RIMS2: variants seen among roughly 807,000 people sequenced by gnomAD.
The protein encoded by RIMS2 is regulating synaptic membrane exocytosis 2.
In RIMS2, 59 loss-of-function variants were observed where a neutral mutation model predicts 174.4. That is an observed-to-expected ratio of 0.34 (90% CI 0.27 to 0.42). RIMS2 has a LOEUF of 0.42. Ranked by LOEUF, RIMS2 falls within the 10% of genes least tolerant of loss-of-function variation. The pLI is 1.00. For synonymous variants in RIMS2, 606 were observed against 572.5 expected, an observed-to-expected ratio of 1.06 and a Z score of -0.84; for missense variants, 1,620 against 1,666.3, an observed-to-expected ratio of 0.97 and a Z score of 0.48.
At chr8:104,188,269 A>G (rs1586864753) in intron 19 of RIMS2, among the ~76,000 whole-genome samples, 1 of 121,972 alleles carries the variant, frequency 8.2e-6, no homozygotes. Context: ...ATAGATAGAT[A>G]GATGGATGAA....
At chr8:103,928,920 A>G (rs1370940683) in intron 11 of RIMS2, among the ~76,000 whole-genome samples, 1 of 151,634 alleles carries the variant, frequency 6.6e-6, no homozygotes, top group Non-Finnish European at 1.5e-5. Context: ...AAAAGCACAG[A>G]TAAGAAATTA....
At chr8:103,742,687 T>C (rs1205744640) in intron 2 of RIMS2, among the ~76,000 whole-genome samples, 2 of 152,154 alleles carry the variant, frequency 1.3e-5, no homozygotes, top group Non-Finnish European at 2.9e-5. Flanking sequence ...TTTCTTATAA[T>C]GTGAATAGTT....
At chr8:103,592,959 A>G (rs1449125513) in intron 1 of RIMS2, among the ~76,000 whole-genome samples, 1 of 151,424 alleles carries the variant, frequency 6.6e-6, no homozygotes, top group East Asian at 1.9e-4. Flanking sequence ...TTGTACAGTT[A>G]TTTGAATTTT....
intron 1 of RIMS2, among the ~76,000 whole-genome samples, chr8:103,688,834 T>A (rs909883815): frequency 6.3e-5 from 8 of 127,448 alleles, no homozygotes; most frequent in Non-Finnish European, 1.3e-4. Flanking sequence ...TTCTATTTTT[T>A]AAATTTCTGA....
At chr8:104,090,339 A>G (rs760579958) in intron 19 of RIMS2, among the ~76,000 whole-genome samples, 3 of 151,780 alleles carry the variant, frequency 2.0e-5, no homozygotes, top group African/African-American at 4.8e-5. Context: ...TCTTTTAAAA[A>G]CTAAACAAAT....
intron 19 of RIMS2, among the ~76,000 whole-genome samples, chr8:104,190,040 A>T (rs1351898988): frequency 1.3e-5 from 2 of 152,060 alleles, no homozygotes; most frequent in Admixed American, 1.3e-4. Flanking sequence ...ATGGTGGCTC[A>T]TGTCTGTAAT....
At chr8:103,623,478 GTTTTTTTTTTTTT>G (rs71575976) in intron 1 of RIMS2, among the ~76,000 whole-genome samples, 2 of 83,238 alleles carry the variant, frequency 2.4e-5, no homozygotes, top group African/African-American at 9.6e-5. Flanking sequence ...GGTTTCTTCA[GTTTTTTTTTTTTT>G]TTTTTTTTTT....
chr8:103,526,995 T>A (rs546716872), intron 1 of RIMS2, among the ~76,000 whole-genome samples: 10 of 152,076 alleles, frequency 6.6e-5, no homozygotes, highest in African/African-American at 2.4e-4. Flanking sequence ...ACAACAAAAA[T>A]CCTAAATGTA....
chr8:104,025,941 T>C (rs1303295836), intron 19 of RIMS2, among the ~76,000 whole-genome samples: 1 of 152,178 alleles, frequency 6.6e-6, no homozygotes, highest in East Asian at 1.9e-4. Context: ...ATAAGCTATA[T>C]CAAATAGCCT....
At chr8:103,738,113 A>G (rs574687250) in intron 2 of RIMS2, among the ~76,000 whole-genome samples, 14 of 152,290 alleles carry the variant, frequency 9.2e-5, no homozygotes, top group Admixed American at 9.2e-4. Context: ...TAATATGTAA[A>G]TAATTCAGTG....
chr8:103,802,887 A>G (rs887322875), intron 3 of RIMS2, among the ~76,000 whole-genome samples: 14 of 152,202 alleles, frequency 9.2e-5, no homozygotes, highest in African/African-American at 3.4e-4. Flanking sequence ...TTTAATAAAG[A>G]TGAAGATACA....
At chr8:103,736,853 A>G (rs2097691325) in intron 2 of RIMS2, among the ~76,000 whole-genome samples, 1 of 152,144 alleles carries the variant, frequency 6.6e-6, no homozygotes, top group Non-Finnish European at 1.5e-5. Flanking sequence ...TTTAGGTAGA[A>G]CAGAATCTTA....
intron 19 of RIMS2, among the ~76,000 whole-genome samples, chr8:104,171,301 T>C (rs1486200562): frequency 7.9e-6 from 1 of 126,030 alleles, no homozygotes; most frequent in African/African-American, 3.1e-5. Context: ...CTGTTTTACA[T>C]AATCCCATTT....
intron 2 of RIMS2, among the ~76,000 whole-genome samples, chr8:103,754,446 C>A (rs1030725264): frequency 5.3e-5 from 8 of 152,026 alleles, no homozygotes; most frequent in African/African-American, 1.9e-4. Flanking sequence ...CTATTAAGTC[C>A]GCTTGGTGCA....
chr8:103,670,150 TTTG>T (rs1460833279), intron 1 of RIMS2, among the ~76,000 whole-genome samples: 1 of 152,238 alleles, frequency 6.6e-6, no homozygotes, highest in African/African-American at 2.4e-5. Flanking sequence ...CTGCCAAGGC[TTTG>T]GGCTTGCACC....
chr8:103,548,872 A>G (rs1283244757), intron 1 of RIMS2, among the ~76,000 whole-genome samples: 1 of 152,194 alleles, frequency 6.6e-6, no homozygotes, highest in Non-Finnish European at 1.5e-5. Context: ...TTATACATCA[A>G]TGATGACCAA....
At chr8:103,966,574 T>C (rs1363316259) in intron 15 of RIMS2, among the ~76,000 whole-genome samples, 1 of 152,122 alleles carries the variant, frequency 6.6e-6, no homozygotes, top group East Asian at 1.9e-4. Context: ...AACCAGATTC[T>C]GATTTTGTTG....
chr8:103,531,332 G>A (rs946492493), intron 1 of RIMS2, among the ~76,000 whole-genome samples: 2 of 151,994 alleles, frequency 1.3e-5, no homozygotes, highest in Non-Finnish European at 2.9e-5. Flanking sequence ...CACCATGCTG[G>A]AAATCAATAA....
At chr8:103,527,184 A>G (rs1056372321) in intron 1 of RIMS2, among the ~76,000 whole-genome samples, 1 of 152,194 alleles carries the variant, frequency 6.6e-6, no homozygotes, top group Non-Finnish European at 1.5e-5. Flanking sequence ...AAGGCAAAAT[A>G]AAGGCCTTAT....
Sources: gnomAD v4.1 joint callset for allele counts (sites outside exome capture counted in the v4.1 genomes callset) on GRCh38, gnomAD v4.1.1 for gene constraint, MANE v1.5 for transcripts, NCBI Gene and HGNC (gene_info 2026-07-23, HGNC 2026-07-21) for gene names.